Variants in PIGK observed in about 807,000 individuals in gnomAD.
The protein encoded by PIGK is GPI-anchor transamidase.
Under a neutral mutation model 50.6 loss-of-function variants are expected in PIGK, and 42 were observed. The ratio of observed to expected loss-of-function variants is 0.83; its 90% CI spans 0.65 to 1.07. The LOEUF (loss-of-function observed/expected upper bound fraction) is 1.07, where lower values mean the gene tolerates loss of function less well. PIGK is among the 50% of genes least tolerant of loss of function. The pLI is 0.00. For missense variants in PIGK, 448 were observed against 488.7 expected, an observed-to-expected ratio of 0.92 and a Z score of 0.78; for synonymous variants, 151 against 156.0, an observed-to-expected ratio of 0.97 and a Z score of 0.24.
At chr1:77,169,836 C>T (rs757287298) in intron 3 of PIGK, among the ~76,000 whole-genome samples, 4 of 152,158 alleles carry the variant, frequency 2.6e-5, no homozygotes, top group Non-Finnish European at 5.9e-5. Flanking sequence ...CTTACAGAGT[C>T]CACGTTAAAC....
chr1:77,176,345 G>T (rs1200688514), intron 3 of PIGK, among the ~76,000 whole-genome samples: 2 of 152,130 alleles, frequency 1.3e-5, no homozygotes, highest in Admixed American at 1.3e-4. Flanking sequence ...TATTTGGGAA[G>T]CACTGTAAAA....
intron 10 of PIGK, among the ~76,000 whole-genome samples, chr1:77,102,611 A>G (rs1322478166): frequency 6.6e-6 from 1 of 152,174 alleles, no homozygotes; most frequent in Non-Finnish European, 1.5e-5. Context: ...AATGACTGAC[A>G]TCTTGATTTT....
rs200469771 is a variant in PIGK, at chr1:77,141,416, T to TA, written c.986+13032dup. Among the ~76,000 whole-genome samples, 384 of 152,250 alleles carry TA rather than the reference T, an allele frequency of 2.5e-3. 1 individual carries two copies. The East Asian group carries it at 0.037, about 15-fold the overall frequency. ...AGAGAACGGCTCTTAATATTGAAGTTAAAATGAAGGAACTGAAAAAGGCAT... is the reference window on the plus strand; with the variant it reads ...AGAGAACGGCTCTTAATATTGAAGTTAAAAATGAAGGAACTGAAAAAGGCAT... On this transcript the variant is annotated intron_variant, in intron 9 of 10. Coordinates refer to ENST00000370812, the MANE Select transcript of PIGK (RefSeq NM_005482.3).
At chr1:77,158,938 C>G (rs1053473215) in intron 8 of PIGK, among the ~76,000 whole-genome samples, 3 of 152,130 alleles carry the variant, frequency 2.0e-5, no homozygotes, top group Admixed American at 2.0e-4. Flanking sequence ...AAGCCAGCTG[C>G]AGAAATTTGC....
At chr1:77,208,714 T>C (rs1318922403) in intron 2 of PIGK, among the ~76,000 whole-genome samples, 1 of 152,176 alleles carries the variant, frequency 6.6e-6, no homozygotes. Context: ...TAAGAGGTTT[T>C]TTTCTTGAAG....
At chr1:77,109,756 G>A (rs1653792639) in intron 10 of PIGK, among the ~76,000 whole-genome samples, 1 of 152,130 alleles carries the variant, frequency 6.6e-6, no homozygotes. Context: ...GGAAGTTCTG[G>A]CCAGGGCAAT....
At chr1:77,152,546 T>C (rs1654916125) in intron 9 of PIGK, among the ~76,000 whole-genome samples, 1 of 151,792 alleles carries the variant, frequency 6.6e-6, no homozygotes, top group South Asian at 2.1e-4. Flanking sequence ...AAGGAAACAA[T>C]GTTTAAGGTG....
At chr1:77,111,367 T>A (rs901579028) in intron 10 of PIGK, among the ~76,000 whole-genome samples, 3 of 152,052 alleles carry the variant, frequency 2.0e-5, no homozygotes, top group African/African-American at 7.2e-5. Flanking sequence ...CAAATGTCCA[T>A]CAATGACAGA....
chr1:77,125,181 T>C (rs1016063857), intron 9 of PIGK, among the ~76,000 whole-genome samples: 1 of 152,230 alleles, frequency 6.6e-6, no homozygotes, highest in South Asian at 2.1e-4. Context: ...ATATTTGAAA[T>C]CTGGCAACTT....
intron 2 of PIGK, among the ~76,000 whole-genome samples, chr1:77,207,965 T>C (rs533126915): frequency 3.9e-5 from 6 of 152,256 alleles, no homozygotes; most frequent in African/African-American, 1.2e-4. Flanking sequence ...CTTACACCTA[T>C]AATCCTAGCA....
intron 10 of PIGK, among the ~76,000 whole-genome samples, chr1:77,108,042 C>T (rs1440403360): frequency 6.6e-6 from 1 of 152,108 alleles, no homozygotes; most frequent in South Asian, 2.1e-4. Context: ...ACTCTTTATC[C>T]AATTTGCCAG....
chr1:77,128,031 CA>C (rs1279807504), intron 9 of PIGK, among the ~76,000 whole-genome samples: 1 of 152,086 alleles, frequency 6.6e-6, no homozygotes, highest in African/African-American at 2.4e-5. Context: ...GAGACAAACA[CA>C]AAATGCTATT....
chr1:77,115,109 A>T (rs1302149724), intron 10 of PIGK, among the ~76,000 whole-genome samples: 1 of 152,226 alleles, frequency 6.6e-6, no homozygotes, highest in Non-Finnish European at 1.5e-5. Flanking sequence ...AAAACACTAA[A>T]ATGCCAAAAT....
intron 3 of PIGK, among the ~76,000 whole-genome samples, chr1:77,201,136 A>G (rs1656155685): frequency 6.6e-6 from 1 of 152,224 alleles, no homozygotes; most frequent in Non-Finnish European, 1.5e-5. Context: ...GGCAAAAGCT[A>G]TATGATCAAC....
intron 9 of PIGK, among the ~76,000 whole-genome samples, chr1:77,135,412 A>G: frequency 6.6e-6 from 1 of 151,984 alleles, no homozygotes; most frequent in Non-Finnish European, 1.5e-5. Context: ...ACATATATGT[A>G]TATGTACTAT....
chr1:77,132,112 T>C (rs2055479), intron 9 of PIGK, among the ~76,000 whole-genome samples: 28,434 of 151,906 alleles, frequency 0.19, 2,814 homozygotes, highest in East Asian at 0.36. Context: ...AAATATTACG[T>C]TAGCCACCTC....
At chr1:77,172,333 C>A (rs547708137) in intron 3 of PIGK, among the ~76,000 whole-genome samples, 62 of 152,298 alleles carry the variant, frequency 4.1e-4, no homozygotes, top group African/African-American at 1.5e-3. Context: ...AAAATGCCAA[C>A]CTGTAACCAA....
intron 9 of PIGK, among the ~76,000 whole-genome samples, chr1:77,153,006 C>T (rs530891650): frequency 7.9e-5 from 12 of 152,232 alleles, no homozygotes; most frequent in Non-Finnish European, 5.9e-5. Context: ...AGCAATCCCA[C>T]ATCTAGCTAC....
intron 3 of PIGK, among the ~76,000 whole-genome samples, chr1:77,199,867 T>C (rs1193846235): frequency 6.6e-6 from 1 of 152,158 alleles, no homozygotes; most frequent in Admixed American, 6.5e-5. Flanking sequence ...ATACATTATC[T>C]CATTTTATTC....
Sources: gnomAD v4.1 joint callset for allele counts (sites outside exome capture counted in the v4.1 genomes callset) on GRCh38, gnomAD v4.1.1 for gene constraint, MANE v1.5 for transcripts, NCBI Gene and HGNC (gene_info 2026-07-23, HGNC 2026-07-21) for gene names.